The following CASP6 variants were observed in gnomAD, a reference collection of about 807,000 sequenced individuals.
The protein encoded by CASP6 is caspase-6.
In CASP6, 20 loss-of-function variants were observed where a neutral mutation model predicts 31.8. That is an observed-to-expected ratio of 0.63 (90% CI 0.44 to 0.91). The LOEUF (loss-of-function observed/expected upper bound fraction) is 0.91. Among genes scored for constraint, CASP6 ranks in the 40% least tolerant of loss-of-function variants. The pLI is 0.00. For synonymous variants in CASP6, 130 were observed against 127.8 expected, an observed-to-expected ratio of 1.02 and a Z score of -0.12; for missense variants, 328 against 361.1, an observed-to-expected ratio of 0.91 and a Z score of 0.74.
rs938023188 is a variant in CASP6 at position 109,697,323 on chromosome 4, G to T, written c.230+299C>A. On this transcript the variant is annotated intron_variant, in intron 3 of 6. Coordinates refer to ENST00000265164, the MANE Select transcript of CASP6 (RefSeq NM_001226.4). Reference sequence around the variant, plus strand: ...GTCTCACTCTGTTGCCCAGCCTGGAGTGCAGTGGCATGATCACAGCTCCGT... The same window carrying T: ...GTCTCACTCTGTTGCCCAGCCTGGATTGCAGTGGCATGATCACAGCTCCGT... 3.9e-5 allele frequency among the ~76,000 whole-genome samples: 6 copies of T among 151,988 alleles called. No individual in the cohort carries two copies. In the South Asian group the frequency reaches 1.2e-3, roughly 32 times the overall value.
chr4:109,696,788 T>G (rs1244795830), intron 3 of CASP6, among the ~76,000 whole-genome samples: 1 of 148,930 alleles, frequency 6.7e-6, no homozygotes. Flanking sequence ...CAAGTTTTTT[T>G]TTTTTTTTTT....
chr4:109,670,288 C>T, the CASP6 span, among the ~76,000 whole-genome samples: 2 of 152,162 alleles, frequency 1.3e-5, no homozygotes, highest in Non-Finnish European at 2.9e-5. Context: ...CCCCCCACCA[C>T]CTTAGGTGGG....
rs376834235 is a variant in CASP6, at chr4:109,696,363, C to T, written c.307+47G>A. On this transcript the variant is annotated intron_variant, in intron 4 of 6. Coordinates refer to ENST00000265164, the MANE Select transcript of CASP6 (RefSeq NM_001226.4). ...GTCTTTACAGATAGGATAAAGGACTCGGTTTCATTAGAGGAAGATGAACTA... is the reference window on the plus strand; with the variant it reads ...GTCTTTACAGATAGGATAAAGGACTTGGTTTCATTAGAGGAAGATGAACTA... 1.0e-5 allele frequency: 14 copies of T among 1,339,606 alleles called. No individual in the cohort carries two copies. In the African/African-American group the frequency reaches 1.5e-4, roughly 14 times the overall value. 83.0% of individuals were successfully genotyped at this position (1,339,606 alleles called of 1,614,324 possible).
At chr4:109,682,848 C>G in the CASP6 span, 1 of 815,914 alleles carries the variant, frequency 1.2e-6, no homozygotes, top group African/African-American at 1.8e-5. Flanking sequence ...CTAATTTTCT[C>G]CTTTACGCCT....
chr4:109,686,698 A>T (rs561765859), downstream of CASP6, among the ~76,000 whole-genome samples: 1 of 152,066 alleles, frequency 6.6e-6, no homozygotes. Flanking sequence ...ACATAGTGAG[A>T]CCTCATCTCT....
chr4:109,687,432 A>C (rs948874540), downstream of CASP6: 110 of 924,406 alleles, frequency 1.2e-4, 1 homozygote, highest in South Asian at 1.5e-3. Flanking sequence ...GGAGACGCTA[A>C]GTTTATAGAA....
rs1441905319 is a variant in CASP6, at chr4:109,689,535, G to A, written c.677C>T (p.Ser226Leu). The A allele has an allele frequency of 1.2e-6, 2 of 1,614,030 alleles. No individual in the cohort carries two copies. Among genetic ancestry groups the A allele is most frequent in the African/African-American group, 1.3e-5 (1 of 74,922 alleles). The change falls in exon 7 of 7, where the codon TCA becomes TTA. Residue 226 changes from serine (S) to leucine (L), a missense_variant. By Grantham distance (145) the Ser-to-Leu change is moderately radical. Coordinates refer to ENST00000265164, the MANE Select transcript of CASP6 (RefSeq NM_001226.4). ...CTCACACAAATCTTGAATGTACCATGAGCCGTTCACAGTTTCCCGGTGAGA... is the reference window on the plus strand; with the variant it reads ...CTCACACAAATCTTGAATGTACCATAAGCCGTTCACAGTTTCCCGGTGAGA... ...YYSHRETVNGSWYIQDLCEML... is the reference protein window; with the variant it reads ...YYSHRETVNGLWYIQDLCEML...
the CASP6 span, among the ~76,000 whole-genome samples, chr4:109,708,804 A>G: frequency 6.6e-6 from 1 of 152,104 alleles, no homozygotes; most frequent in Non-Finnish European, 1.5e-5. Context: ...ACTGATCAGG[A>G]TTTTGTCTAA....
the CASP6 span, among the ~76,000 whole-genome samples, chr4:109,681,791 T>C: frequency 1.7e-3 from 265 of 152,290 alleles, no homozygotes; most frequent in African/African-American, 6.2e-3. Flanking sequence ...GCAGCGAGTC[T>C]GCTACGGCGG....
At chr4:109,668,074 TG>T in the CASP6 span, among the ~76,000 whole-genome samples, 1 of 151,610 alleles carries the variant, frequency 6.6e-6, no homozygotes, top group Non-Finnish European at 1.5e-5. Context: ...TCTGTCTTGA[TG>T]AGATGTTCCC....
upstream of CASP6, among the ~76,000 whole-genome samples, chr4:109,705,998 A>ATT (rs1730594220): frequency 5.5e-5 from 3 of 54,762 alleles, no homozygotes; most frequent in Non-Finnish European, 9.1e-5. Flanking sequence ...AAAAAAAAAA[A>ATT]AAAATATATA....
Position 109,689,100 on chromosome 4 carries a change from C to T in CASP6, c.*230G>A. On this transcript the variant is annotated 3_prime_UTR_variant, in exon 7 of 7. Transcript: ENST00000265164. Reference sequence around the variant, plus strand: ...AAGTGATTCTCCTGCCTCAGCCTTCCAAGTAGCTGGGATTGCAGGCATGCG... The same window carrying T: ...AAGTGATTCTCCTGCCTCAGCCTTCTAAGTAGCTGGGATTGCAGGCATGCG... 1 of 376,144 alleles carries T rather than the reference C, an allele frequency of 2.7e-6. No homozygotes were observed. The highest frequency in any genetic ancestry group is 5.0e-6 in the Non-Finnish European group (1 of 201,406). The allele number at this position is 376,144 out of a possible 1,614,324, so 23.3% of individuals were successfully genotyped here. A position where few individuals can be genotyped will look rare whatever the true frequency, so the allele number is the denominator to read the frequency against.
At chr4:109,684,111 G>A (rs1307140526), downstream of CASP6, among the ~76,000 whole-genome samples, 1 of 142,518 alleles carries the variant, frequency 7.0e-6, no homozygotes, top group Non-Finnish European at 1.5e-5. Context: ...CGCCCAGGCT[G>A]GAGTGCAGTG....
the CASP6 span, among the ~76,000 whole-genome samples, chr4:109,668,818 A>G: frequency 6.7e-6 from 1 of 149,294 alleles, no homozygotes; most frequent in African/African-American, 2.5e-5. Flanking sequence ...TTCTTTTTTT[A>G]GCGGTTGCCT....
At chr4:109,689,794 C>A (rs1419337164) in intron 6 of CASP6, among the ~76,000 whole-genome samples, 1 of 152,002 alleles carries the variant, frequency 6.6e-6, no homozygotes, top group African/African-American at 2.4e-5. Context: ...TAATTTCTTC[C>A]ATTTCCTAAA....
upstream of CASP6, among the ~76,000 whole-genome samples, chr4:109,708,431 T>C (rs1730662533): frequency 6.6e-6 from 1 of 152,222 alleles, no homozygotes; most frequent in Non-Finnish European, 1.5e-5. Flanking sequence ...AGCAGTGGCA[T>C]TTTTTGGTTT....
intron 4 of CASP6, among the ~76,000 whole-genome samples, chr4:109,695,231 A>C (rs919899494): frequency 2.0e-5 from 3 of 152,228 alleles, no homozygotes; most frequent in Non-Finnish European, 4.4e-5. Flanking sequence ...ATCCAAATTT[A>C]TTAAAGTTCA....
Position 109,688,635 on chromosome 4 carries a change from C to G in CASP6, c.*695G>C, listed in dbSNP as rs3182325. Reference sequence around the variant, plus strand: ...GAAAAATGTAATAAAATATGAATTTCGAATATTTTATTAAGGGATGATTTA... The same window carrying G: ...GAAAAATGTAATAAAATATGAATTTGGAATATTTTATTAAGGGATGATTTA... On this transcript the variant is annotated 3_prime_UTR_variant, in exon 7 of 7. Coordinates refer to ENST00000265164, the MANE Select transcript of CASP6 (RefSeq NM_001226.4). The G allele has an allele frequency of 6.6e-6, 1 of 152,044 alleles. No individual in the cohort carries two copies. Among genetic ancestry groups the G allele is most frequent in the East Asian group, 1.9e-4 (1 of 5,158 alleles). The allele number at this position is 152,044 out of a possible 1,614,324, so 9.4% of individuals were successfully genotyped here. A position where few individuals can be genotyped will look rare whatever the true frequency, so the allele number is the denominator to read the frequency against.
chr4:109,687,375 TA>T (rs1362221748), downstream of CASP6: 7 of 585,662 alleles, frequency 1.2e-5, no homozygotes, highest in African/African-American at 3.8e-5. Context: ...AATATATATA[TA>T]TTTCAGCCAT....
Sources: gnomAD v4.1 joint callset for allele counts (sites outside exome capture counted in the v4.1 genomes callset) on GRCh38, gnomAD v4.1.1 for gene constraint, MANE v1.5 for transcripts, NCBI Gene and HGNC (gene_info 2026-07-23, HGNC 2026-07-21) for gene names.